VWDE: variants seen among roughly 807,000 people sequenced by gnomAD.
VWDE encodes von Willebrand factor D and EGF domains, also known as von Willebrand factor D and EGF domain-containing protein.
A neutral mutation model predicts 178.4 loss-of-function variants in VWDE; 207 were observed. The observed-to-expected ratio is 1.16, with a 90% confidence interval of 1.04 to 1.30. The LOEUF is 1.30. VWDE is among the 50% of genes most tolerant of loss of function. VWDE has a pLI of 0.00. For missense variants in VWDE, 2,287 were observed against 1,901.3 expected, an observed-to-expected ratio of 1.20 and a Z score of -3.77; for synonymous variants, 738 against 651.4, an observed-to-expected ratio of 1.13 and a Z score of -2.02.
At chr7:12,395,383 C>T (rs1296727165) in intron 1 of VWDE, among the ~76,000 whole-genome samples, 1 of 152,096 alleles carries the variant, frequency 6.6e-6, no homozygotes, top group African/African-American at 2.4e-5. Context: ...GATCTCTTTT[C>T]TACAACAGAA....
At position 12,369,570 on chromosome 7, in the gene VWDE, A is replaced by C. The variant is rs776296788; in HGVS notation, c.2736T>G (p.Ser912Arg). Residue 912 changes from serine to arginine, a missense_variant, in exon 12 of 29, where the codon AGT (serine) becomes AGG (arginine). By Grantham distance (110) the Ser-to-Arg change is moderately radical. Coordinates refer to ENST00000275358, the MANE Select transcript of VWDE (RefSeq NM_001135924.3). Reference protein sequence around the residue: ...EWGCACSPSFSSYDCSDSYDK... With the variant: ...EWGCACSPSFRSYDCSDSYDK... ...CATAGGAATCACTGCAGTCATAGGAACTAAAGCTTGGGGAACACGCACACC... is the reference window on the plus strand; with the variant it reads ...CATAGGAATCACTGCAGTCATAGGACCTAAAGCTTGGGGAACACGCACACC... The C allele has an allele frequency of 6.5e-7, 1 of 1,542,230 alleles. No homozygotes were observed.
At position 12,377,893 on chromosome 7, in the gene VWDE, C is replaced by G. The variant is rs1030859494; in HGVS notation, c.907G>C (p.Glu303Gln). 3 of 1,503,096 alleles carry G rather than the reference C, an allele frequency of 2.0e-6. No individual in the cohort carries two copies. Among genetic ancestry groups the G allele is most frequent in the Non-Finnish European group, 2.7e-6 (3 of 1,126,690 alleles). 93.1% of individuals were successfully genotyped at this position (1,503,096 alleles called of 1,614,324 possible). A position where few individuals can be genotyped will look rare whatever the true frequency, so the allele number is the denominator to read the frequency against. Residue 303 changes from glutamate to glutamine, a missense_variant, in exon 7 of 29, where the codon GAG (glutamate) becomes CAG (glutamine). Coordinates refer to ENST00000275358, the MANE Select transcript of VWDE (RefSeq NM_001135924.3). ...CTCAGGTAGTATTCTTTCCCATCCT[C>G]TGATATAGTGCTCAATTCAGGCTGT... Reference protein sequence around the residue: ...KLQPELSTISEDGKEYYLRIE... With the variant: ...KLQPELSTISQDGKEYYLRIE...
In VWDE at chr7:12,330,955, AT is replaced by A; in HGVS notation, c.*227del. 1 of 449,038 alleles carries A rather than the reference AT, an allele frequency of 2.2e-6. No homozygotes were observed. Among genetic ancestry groups the A allele is most frequent in the Admixed American group, 4.1e-5 (1 of 24,334 alleles). The allele number at this position is 449,038 out of a possible 1,614,324, so 27.8% of individuals were successfully genotyped here. ...GGAATATCAGATACATCATCTCAAT[AT>A]GTAAATATCCTATCCCATCTCAACA... is the stretch of plus-strand genomic sequence containing the variant. On this transcript the variant is annotated 3_prime_UTR_variant, in exon 29 of 29. Coordinates refer to ENST00000275358, the MANE Select transcript of VWDE (RefSeq NM_001135924.3).
chr7:12,341,206 C>A (rs1204232654), intron 23 of VWDE, among the ~76,000 whole-genome samples: 1 of 152,100 alleles, frequency 6.6e-6, no homozygotes, highest in Non-Finnish European at 1.5e-5. Flanking sequence ...CAAGTGGATC[C>A]TTGTTTCCAT....
rs1399018666 is a variant in VWDE, at chr7:12,374,720, T to A, written c.1285A>T (p.Thr429Ser). 6.5e-7 allele frequency: 1 copy of A among 1,540,072 alleles called. No homozygotes were observed. The highest frequency in any genetic ancestry group is 8.7e-7 in the Non-Finnish European group (1 of 1,143,086). Residue 429 changes from threonine (T) to serine (S), a missense_variant, in exon 9 of 29, where the codon ACT becomes TCT. By Grantham distance (58) the Thr-to-Ser change is moderately conservative (BLOSUM62 1). Transcript: ENST00000275358. ...TCAAATGTAATTATATGTGGGTCAG[T>A]AAATGTATAGCAGTAAGCAGTTGGG... is the stretch of plus-strand genomic sequence containing the variant. ...DVPTAYCYTF[T>S]DPHIITFDGR...
At chr7:12,336,423 T>C (rs1428938007) in intron 26 of VWDE, among the ~76,000 whole-genome samples, 187 bp from the exon 27 acceptor site, 1 of 152,256 alleles carries the variant, frequency 6.6e-6, no homozygotes. Flanking sequence ...AAATGTGACC[T>C]TAACAGTTGC....
chr7:12,356,414 A>G (rs4719307), intron 17 of VWDE, 84 bp from the exon 18 acceptor site: 666,618 of 1,056,482 alleles, frequency 0.63, 213,113 homozygotes, highest in African/African-American at 0.8. Flanking sequence ...ACAGTCATGT[A>G]TGTTTATGTA....
intron 18 of VWDE, among the ~76,000 whole-genome samples, chr7:12,353,249 A>ACGGC (rs1782043908): frequency 6.6e-6 from 1 of 152,178 alleles, no homozygotes; most frequent in Non-Finnish European, 1.5e-5. Flanking sequence ...TGGCTTGAAG[A>ACGGC]CGGCCACTTT....
intron 19 of VWDE, among the ~76,000 whole-genome samples, chr7:12,346,053 C>T (rs1352936193): frequency 6.6e-6 from 1 of 152,112 alleles, no homozygotes; most frequent in Non-Finnish European, 1.5e-5. Context: ...TTCATTCCTT[C>T]ATTTAGTATC....
chr7:12,387,568 TACAC>T (rs941266988), intron 3 of VWDE, among the ~76,000 whole-genome samples: 5 of 151,402 alleles, frequency 3.3e-5, no homozygotes, highest in Admixed American at 6.6e-5. Context: ...TTTATGTGTA[TACAC>T]ACACACACAC....
chr7:12,346,277 A>C (rs1781592933), intron 19 of VWDE, among the ~76,000 whole-genome samples: 1 of 152,162 alleles, frequency 6.6e-6, no homozygotes. Flanking sequence ...CCTCAAAACA[A>C]AGGAAAGCAC....
rs1011603132 is a variant in VWDE, at chr7:12,361,451, A to G, written c.2969T>C (p.Val990Ala). The change falls in exon 14 of 29, where the codon GTT becomes GCT. Residue 990 changes from valine (V) to alanine (A), a missense_variant. By Grantham distance (64) the Val-to-Ala change is moderately conservative. Transcript: ENST00000275358. ...AACATCAGTGGGCAGCTGACAATCA[A>G]CAGCTCTGCTATTGTGGAAAACAGT... Reference protein sequence around the residue: ...TQTVFHNSRAVDCQLPTDVQQ... With the variant: ...TQTVFHNSRAADCQLPTDVQQ... 2.6e-6 allele frequency: 4 copies of G among 1,551,246 alleles called. No homozygotes were observed. In the East Asian group the frequency reaches 9.8e-5, roughly 38 times the overall value.
chr7:12,350,111 A>G (rs770758767), intron 19 of VWDE, among the ~76,000 whole-genome samples: 7 of 152,030 alleles, frequency 4.6e-5, no homozygotes, highest in Non-Finnish European at 1.0e-4. Context: ...AAAGAGATGA[A>G]AAGTATTATA....
intron 9 of VWDE, among the ~76,000 whole-genome samples, chr7:12,373,711 A>G (rs1051695174): frequency 3.3e-5 from 5 of 152,082 alleles, no homozygotes; most frequent in African/African-American, 7.2e-5. Context: ...AGCCAGCTCC[A>G]TGAGGGTAGA....
At chr7:12,403,603 C>T (rs1785016336) in intron 1 of VWDE, 56 bp downstream of exon 1, 3 of 1,510,022 alleles carry the variant, frequency 2.0e-6, no homozygotes, top group Non-Finnish European at 2.7e-6. Context: ...CCTAGTCCCT[C>T]TACCGCCCAC....
At chr7:12,392,740 C>T (rs372054956) in intron 2 of VWDE, among the ~76,000 whole-genome samples, 89 of 145,996 alleles carry the variant, frequency 6.1e-4, no homozygotes, top group Middle Eastern at 3.4e-3. Context: ...GTTCACTATA[C>T]AAGACAATGC....
At chr7:12,386,566 T>C (rs1784109688) in intron 3 of VWDE, among the ~76,000 whole-genome samples, 1 of 152,214 alleles carries the variant, frequency 6.6e-6, no homozygotes, top group Non-Finnish European at 1.5e-5. Flanking sequence ...CTTTCACTCT[T>C]GTGAGTACAA....
chr7:12,336,873 C>T (rs1157842420), intron 26 of VWDE, 115 bp downstream of exon 26: 1 of 1,005,452 alleles, frequency 9.9e-7, no homozygotes, highest in Non-Finnish European at 1.4e-6. Context: ...AATAAATATG[C>T]AAAAATTTTA....
intron 3 of VWDE, among the ~76,000 whole-genome samples, chr7:12,385,852 A>G (rs987538611): frequency 6.6e-6 from 1 of 152,192 alleles, no homozygotes; most frequent in Non-Finnish European, 1.5e-5. Context: ...AATTACTTAG[A>G]GGACTTGAAT....
Sources: gnomAD v4.1 joint callset for allele counts (sites outside exome capture counted in the v4.1 genomes callset) on GRCh38, gnomAD v4.1.1 for gene constraint, MANE v1.5 for transcripts, NCBI Gene and HGNC (gene_info 2026-07-23, HGNC 2026-07-21) for gene names.